DEPTOR: variants seen among roughly 807,000 people sequenced by gnomAD.
DEPTOR encodes DEP domain-containing mTOR-interacting protein.
In DEPTOR, 41 loss-of-function variants were observed where a neutral mutation model predicts 41.6. That is an observed-to-expected ratio of 0.98 (90% CI 0.77 to 1.28). The LOEUF (loss-of-function observed/expected upper bound fraction) is 1.28. DEPTOR is among the 50% of genes most tolerant of loss of function. The pLI is 0.00. For missense variants in DEPTOR, 514 were observed against 527.9 expected (o/e 0.97, Z 0.26); for synonymous variants, 195 against 192.3 (o/e 1.01, Z -0.12).
intron 1 of DEPTOR, among the ~76,000 whole-genome samples, chr8:119,899,724 C>T (rs1015690780): frequency 1.3e-5 from 2 of 152,176 alleles, no homozygotes; most frequent in African/African-American, 4.8e-5. Flanking sequence ...GTGCAGTCTT[C>T]ATCATGTAGA....
chr8:119,993,984 C>G (rs1235146112), intron 4 of DEPTOR, among the ~76,000 whole-genome samples: 8 of 151,834 alleles, frequency 5.3e-5, no homozygotes, highest in Non-Finnish European at 1.0e-4. Flanking sequence ...CGGTGAAAAC[C>G]CATCTCTACT....
At chr8:119,900,149 T>C (rs1159631469) in intron 1 of DEPTOR, among the ~76,000 whole-genome samples, 1 of 151,644 alleles carries the variant, frequency 6.6e-6, no homozygotes, top group Non-Finnish European at 1.5e-5. Flanking sequence ...TAAAACCCCG[T>C]CTTTACTAAA....
intron 1 of DEPTOR, among the ~76,000 whole-genome samples, chr8:119,920,344 TC>T (rs1330613477): frequency 1.3e-5 from 2 of 152,310 alleles, no homozygotes; most frequent in Middle Eastern, 3.4e-3. Context: ...CCCTTTAGTA[TC>T]CCTAATGTCA....
At chr8:119,938,183 G>A (rs555064350) in intron 3 of DEPTOR, among the ~76,000 whole-genome samples, 1 of 152,298 alleles carries the variant, frequency 6.6e-6, no homozygotes, top group South Asian at 2.1e-4. Flanking sequence ...TGGAGTAACT[G>A]TAATTATCCT....
At chr8:119,973,854 T>C (rs568328066) in intron 4 of DEPTOR, among the ~76,000 whole-genome samples, 2 of 152,310 alleles carry the variant, frequency 1.3e-5, no homozygotes, top group East Asian at 3.9e-4. Flanking sequence ...ATCTTTTTAA[T>C]CCTCCCAGTT....
At chr8:119,921,067 C>T (rs1453310897) in intron 1 of DEPTOR, among the ~76,000 whole-genome samples, 3 of 151,924 alleles carry the variant, frequency 2.0e-5, no homozygotes, top group Non-Finnish European at 4.4e-5. Flanking sequence ...ACCTCCATCT[C>T]CCAGGCTCAA....
At chr8:120,045,887 G>A (rs1388354617) in intron 8 of DEPTOR, among the ~76,000 whole-genome samples, 1 of 152,128 alleles carries the variant, frequency 6.6e-6, no homozygotes, top group Non-Finnish European at 1.5e-5. Context: ...ACTGGCCCTT[G>A]GCCAGACAGC....
At position 119,873,766 on chromosome 8, in the gene DEPTOR, C is replaced by A; in HGVS notation, c.-81C>A. ...CCCCGAACAAAGATGGCGCGGGAAG[C>A]GTCTGTGAGGGCAGACTGATCCGAG... On this transcript the variant is annotated 5_prime_UTR_variant, in exon 1 of 9. Coordinates refer to ENST00000286234, the MANE Select transcript of DEPTOR (RefSeq NM_022783.4). 2 of 1,559,838 alleles carry A rather than the reference C, an allele frequency of 1.3e-6. No individual in the cohort carries two copies. Among genetic ancestry groups the A allele is most frequent in the Non-Finnish European group, 1.7e-6 (2 of 1,152,608 alleles).
intron 4 of DEPTOR, among the ~76,000 whole-genome samples, chr8:119,979,052 G>A (rs181970792): frequency 7.4e-4 from 113 of 152,224 alleles, no homozygotes; most frequent in Non-Finnish European, 4.4e-4. Flanking sequence ...GAATAAAACT[G>A]AGCATAAGCA....
At chr8:119,957,836 A>G (rs1286181155) in intron 3 of DEPTOR, among the ~76,000 whole-genome samples, 2 of 151,828 alleles carry the variant, frequency 1.3e-5, no homozygotes, top group Non-Finnish European at 2.9e-5. Context: ...TGATTCGCCC[A>G]CCTTGGCCTC....
At chr8:119,877,876 A>T (rs1480640815) in intron 1 of DEPTOR, among the ~76,000 whole-genome samples, 4 of 152,164 alleles carry the variant, frequency 2.6e-5, no homozygotes, top group Non-Finnish European at 4.4e-5. Context: ...TGACTATTGT[A>T]ACCTCCAGAT....
At chr8:119,984,914 C>CA (rs1374614527) in intron 4 of DEPTOR, among the ~76,000 whole-genome samples, 4 of 152,130 alleles carry the variant, frequency 2.6e-5, no homozygotes, top group Admixed American at 2.0e-4. Flanking sequence ...GGGCTGGGCA[C>CA]AGTGGCTCAT....
intron 3 of DEPTOR, among the ~76,000 whole-genome samples, chr8:119,942,259 G>A (rs941115746): frequency 3.9e-5 from 6 of 152,212 alleles, no homozygotes; most frequent in African/African-American, 1.4e-4. Context: ...CTGAAGTATG[G>A]TGGCATGATC....
At chr8:119,960,228 A>C (rs958769828) in intron 3 of DEPTOR, among the ~76,000 whole-genome samples, 7 of 151,978 alleles carry the variant, frequency 4.6e-5, no homozygotes, top group Admixed American at 2.0e-4. Context: ...CCTCTCAAAA[A>C]AAAAAACAAA....
At chr8:119,894,946 C>T (rs574536727) in intron 1 of DEPTOR, among the ~76,000 whole-genome samples, 4 of 152,180 alleles carry the variant, frequency 2.6e-5, no homozygotes, top group Non-Finnish European at 4.4e-5. Flanking sequence ...TTGTACCACA[C>T]GAGGCCATGT....
intron 2 of DEPTOR, 127 bp from the exon 3 acceptor site, chr8:119,929,688 G>A (rs1410378729): frequency 2.4e-6 from 3 of 1,264,114 alleles, no homozygotes; most frequent in Non-Finnish European, 3.3e-6. Context: ...AGCTCATATG[G>A]TACATATTTG....
intron 4 of DEPTOR, among the ~76,000 whole-genome samples, chr8:119,999,868 C>T (rs1251486467): frequency 6.6e-6 from 1 of 152,098 alleles, no homozygotes; most frequent in East Asian, 1.9e-4. Context: ...GTTCTTCTGC[C>T]ATGATTGTTG....
chr8:119,881,535 TA>T (rs558327344), intron 1 of DEPTOR, among the ~76,000 whole-genome samples: 2,848 of 117,906 alleles, frequency 0.024, 87 homozygotes, highest in African/African-American at 0.08. Flanking sequence ...AAAAAAATAA[TA>T]AAAAAAAAAA....
intron 8 of DEPTOR, among the ~76,000 whole-genome samples, chr8:120,034,650 A>C (rs1347175020): frequency 6.6e-6 from 1 of 151,598 alleles, no homozygotes; most frequent in Non-Finnish European, 1.5e-5. Flanking sequence ...GGGTTTCTCC[A>C]TGTTGGCCAG....
Sources: gnomAD v4.1 joint callset for allele counts (sites outside exome capture counted in the v4.1 genomes callset) on GRCh38, gnomAD v4.1.1 for gene constraint, MANE v1.5 for transcripts, NCBI Gene and HGNC (gene_info 2026-07-23, HGNC 2026-07-21) for gene names.